The following ZNF841 variants were observed in gnomAD, a reference collection of about 807,000 sequenced individuals.
ZNF841 encodes the protein zinc finger protein 841.
A neutral mutation model predicts 13.0 loss-of-function variants in ZNF841; 11 were observed. The ratio of observed to expected loss-of-function variants is 0.85; its 90% CI spans 0.53 to 1.40. The LOEUF (loss-of-function observed/expected upper bound fraction) is 1.40, where lower values mean the gene tolerates loss of function less well. Ranked by LOEUF, ZNF841 falls within the 40% of genes most tolerant of loss-of-function variation. The probability of loss-of-function intolerance (pLI) is 0.00; values close to 1 mark genes in which losing one functional copy is unlikely to be tolerated. For missense variants in ZNF841, 1,068 were observed against 1,139.5 expected, an observed-to-expected ratio of 0.94 and a Z score of 0.90; for synonymous variants, 369 against 381.6, an observed-to-expected ratio of 0.97 and a Z score of 0.38.
At chr19:52,072,871 C>T (rs1334424418) in intron 6 of ZNF841, among the ~76,000 whole-genome samples, 1 of 151,934 alleles carries the variant, frequency 6.6e-6, no homozygotes. Context: ...GCCAATATGT[C>T]AAATTAGAAA....
intron 2 of ZNF841, among the ~76,000 whole-genome samples, chr19:52,089,851 T>C (rs74761473): frequency 0.039 from 6,002 of 152,124 alleles, 161 homozygotes; most frequent in African/African-American, 0.064. Context: ...TCCCCTCCAT[T>C]TTCCCCCATT....
chr19:52,063,077 G>A (rs372064689), downstream of ZNF841, among the ~76,000 whole-genome samples: 5 of 151,938 alleles, frequency 3.3e-5, no homozygotes, highest in Non-Finnish European at 5.9e-5. Context: ...GGGTTTCACC[G>A]TGTTAGCCAG....
Position 52,065,073 on chromosome 19 carries a change from G to A in ZNF841, c.*34C>T. On this transcript the variant is annotated 3_prime_UTR_variant, in exon 7 of 7. Coordinates refer to ENST00000594440, the MANE Select transcript of ZNF841 (RefSeq NM_001136499.2). ...TTCCACATGAGACTTCAAAGGGAAA[G>A]GACAAATATACAAGCTATATGAGTA... 1 of 1,440,080 alleles carries A rather than the reference G, an allele frequency of 6.9e-7. No individual in the cohort carries two copies. The highest frequency in any genetic ancestry group is 9.2e-7 in the Non-Finnish European group (1 of 1,088,380). The allele number at this position is 1,440,080 out of a possible 1,614,324, so 89.2% of individuals were successfully genotyped here.
intron 6 of ZNF841, among the ~76,000 whole-genome samples, chr19:52,069,176 C>T (rs140902714): frequency 1.3e-5 from 2 of 152,234 alleles, no homozygotes; most frequent in African/African-American, 4.8e-5. Flanking sequence ...CAGGCTCAAG[C>T]GATCCTCCCA....
At chr19:52,059,348 T>TAAAAAAAAAAAAA in the ZNF841 span, among the ~76,000 whole-genome samples, 1 of 45,998 alleles carries the variant, frequency 2.2e-5, no homozygotes, top group Non-Finnish European at 3.3e-5. Context: ...AGACTCTGTC[T>TAAAAAAAAAAAAA]AAAAAAAAAA....
chr19:52,067,449 A>T lies in ZNF841; in HGVS notation c.433T>A (p.Trp145Arg). 6.4e-7 allele frequency: 1 copy of T among 1,551,980 alleles called. No homozygotes were observed. Among genetic ancestry groups the T allele is most frequent in the Non-Finnish European group, 8.7e-7 (1 of 1,147,312 alleles). The stretch of plus-strand genomic sequence containing the variant: ...TTATAATTTATTTCACCATCTTTCC[A>T]TTGAAAGTCAACTTCCTGTAGATTT... ...RKNLQEVDFQWKDGEINYKEG... is the reference protein window; with the variant it reads ...RKNLQEVDFQRKDGEINYKEG... Residue 145 changes from tryptophan (W) to arginine (R), a missense_variant, in exon 7 of 7, where the codon TGG becomes AGG. By Grantham distance (101) the Trp-to-Arg change is moderately radical (BLOSUM62 -3). Transcript: ENST00000594440.
chr19:52,086,343 G>A (rs1294752863), intron 3 of ZNF841, among the ~76,000 whole-genome samples: 5 of 152,152 alleles, frequency 3.3e-5, no homozygotes, highest in African/African-American at 7.2e-5. Flanking sequence ...GAGTTCTCAC[G>A]ACATCTGGTT....
intron 6 of ZNF841, among the ~76,000 whole-genome samples, chr19:52,069,930 T>A (rs527427445): frequency 6.6e-6 from 1 of 152,352 alleles, no homozygotes; most frequent in African/African-American, 2.4e-5. Flanking sequence ...ATACACGTTA[T>A]TAAACAAATT....
chr19:52,091,797 C>T (rs2088506164), intron 2 of ZNF841, among the ~76,000 whole-genome samples: 1 of 152,064 alleles, frequency 6.6e-6, no homozygotes, highest in Non-Finnish European at 1.5e-5. Flanking sequence ...GATATGACAC[C>T]AAAAGCCCAG....
intron 6 of ZNF841, among the ~76,000 whole-genome samples, chr19:52,072,750 T>G (rs1342520791): frequency 6.6e-6 from 1 of 151,966 alleles, no homozygotes; most frequent in Non-Finnish European, 1.5e-5. Flanking sequence ...ACCCAGGAAG[T>G]GGAGGTTGCA....
intron 6 of ZNF841, among the ~76,000 whole-genome samples, chr19:52,070,685 C>T (rs1288660586): frequency 1.3e-5 from 2 of 152,192 alleles, no homozygotes; most frequent in Non-Finnish European, 2.9e-5. Context: ...GGCTTTGGCT[C>T]CCTGCAATGC....
rs1441272568 is a variant in ZNF841, at chr19:52,066,374, T to C, written c.1508A>G (p.His503Arg). 6.8e-6 allele frequency: 11 copies of C among 1,614,050 alleles called. No homozygotes were observed. Among genetic ancestry groups the C allele is most frequent in the Non-Finnish European group, 9.3e-6 (11 of 1,180,028 alleles). Reference protein sequence around the residue: ...VFSQHSHLAVHQRVHTGEKPY... With the variant: ...VFSQHSHLAVRQRVHTGEKPY... ...TTTCTCTCCAGTATGAACTCTCTGA[T>C]GCACTGCAAGATGTGAATGTTGACT... Residue 503 changes from histidine to arginine, a missense_variant, in exon 7 of 7, where the codon CAT becomes CGT. Coordinates refer to ENST00000594440, the MANE Select transcript of ZNF841 (RefSeq NM_001136499.2).
At chr19:52,073,923 A>G (rs2087815200) in intron 6 of ZNF841, among the ~76,000 whole-genome samples, 1 of 152,208 alleles carries the variant, frequency 6.6e-6, no homozygotes. Flanking sequence ...AAGAACGATC[A>G]ATCTATTAAA....
At chr19:52,092,955 C>G (rs1403308800) in intron 2 of ZNF841, among the ~76,000 whole-genome samples, 3 of 152,144 alleles carry the variant, frequency 2.0e-5, no homozygotes, top group Non-Finnish European at 2.9e-5. Flanking sequence ...CCTGTCTCTA[C>G]TAAAAACACA....
intron 2 of ZNF841, among the ~76,000 whole-genome samples, chr19:52,090,630 A>AGAAG (rs781211199): frequency 0.03 from 2,679 of 90,334 alleles, 112 homozygotes; most frequent in South Asian, 0.05. Flanking sequence ...AAAGAAAGAA[A>AGAAG]GAAGGAAGGA....
intron 6 of ZNF841, among the ~76,000 whole-genome samples, chr19:52,072,161 G>A (rs2087756084): frequency 6.6e-6 from 1 of 152,170 alleles, no homozygotes; most frequent in African/African-American, 2.4e-5. Flanking sequence ...AACAATATGT[G>A]CCTATATAGA....
At chr19:52,071,929 G>T (rs1416064198) in intron 6 of ZNF841, among the ~76,000 whole-genome samples, 1 of 152,144 alleles carries the variant, frequency 6.6e-6, no homozygotes, top group South Asian at 2.1e-4. Flanking sequence ...TTTAAAACTG[G>T]CTTCAGCTGC....
At chr19:52,060,675 G>A (rs1027953823), downstream of ZNF841, among the ~76,000 whole-genome samples, 2 of 152,116 alleles carry the variant, frequency 1.3e-5, no homozygotes, top group Admixed American at 6.6e-5. Flanking sequence ...TGGCTGCCCT[G>A]CCCAGAAAGG....
chr19:52,070,737 C>T (rs749614337), intron 6 of ZNF841, among the ~76,000 whole-genome samples: 22 of 152,312 alleles, frequency 1.4e-4, no homozygotes, highest in Non-Finnish European at 2.1e-4. Context: ...TCATGAATAA[C>T]GAACGGTATC....
Sources: gnomAD v4.1 joint callset for allele counts (sites outside exome capture counted in the v4.1 genomes callset) on GRCh38, gnomAD v4.1.1 for gene constraint, MANE v1.5 for transcripts, NCBI Gene and HGNC (gene_info 2026-07-23, HGNC 2026-07-21) for gene names.